Variants in TENT2 observed in about 807,000 individuals in gnomAD.
The protein encoded by TENT2 is poly(A) RNA polymerase GLD2.
TENT2 carries 44 observed loss-of-function variants against 72.2 expected under a neutral mutation model. The ratio of observed to expected loss-of-function variants is 0.61; its 90% CI spans 0.48 to 0.78. The LOEUF (loss-of-function observed/expected upper bound fraction) is 0.78, where lower values mean the gene tolerates loss of function less well. Among genes scored for constraint, TENT2 ranks in the 30% least tolerant of loss-of-function variants. The pLI is 0.00. For synonymous variants in TENT2, 212 were observed against 192.5 expected, an observed-to-expected ratio of 1.10 and a Z score of -0.84; for missense variants, 541 against 569.6, an observed-to-expected ratio of 0.95 and a Z score of 0.51.
At position 79,619,749 on chromosome 5, in the gene TENT2, A is replaced by G. The variant is rs1763234553; in HGVS notation, c.101A>G (p.Gln34Arg). 1.2e-6 allele frequency: 2 copies of G among 1,613,826 alleles called. No homozygotes were observed. The highest frequency in any genetic ancestry group is 1.7e-6 in the Non-Finnish European group (2 of 1,179,814). ...TCACCTACTGTTTATTCACACCAGC[A>G]GCTTATAGATGCACAATTCAACTTT... ...TLSPTVYSHQ[Q>R]LIDAQFNFQN... The change falls in exon 2 of 15, where the codon CAG becomes CGG. Residue 34 changes from glutamine (Q) to arginine (R), a missense_variant. By Grantham distance (43) the Gln-to-Arg change is conservative (BLOSUM62 1). Transcript: ENST00000453514.
At chr5:79,623,993 AAAT>A (rs1230301017) in intron 4 of TENT2, among the ~76,000 whole-genome samples, 1 of 152,198 alleles carries the variant, frequency 6.6e-6, no homozygotes, top group Admixed American at 6.5e-5. Context: ...GAAGCTATTT[AAAT>A]AATAATTCTT....
At chr5:79,621,137 T>C (rs1179294070) in intron 3 of TENT2, among the ~76,000 whole-genome samples, 2 of 152,160 alleles carry the variant, frequency 1.3e-5, no homozygotes, top group African/African-American at 4.8e-5. Context: ...CTAGGAGTTA[T>C]TGCTTATTAT....
chr5:79,669,129 A>G, intron 12 of TENT2, 101 bp downstream of exon 12: 1 of 1,375,256 alleles, frequency 7.3e-7, no homozygotes, highest in Non-Finnish European at 9.8e-7. Context: ...CTACAGATTT[A>G]GTCAGGAGCT....
chr5:79,676,033 C>T (rs1021826216), intron 12 of TENT2, among the ~76,000 whole-genome samples: 9 of 151,946 alleles, frequency 5.9e-5, no homozygotes, highest in Non-Finnish European at 8.8e-5. Flanking sequence ...TCCCTACCTA[C>T]GACATTTGAA....
chr5:79,619,807 C>T (rs1763275393), intron 2 of TENT2, 22 bp downstream of exon 2: 6 of 1,595,096 alleles, frequency 3.8e-6, no homozygotes, highest in Non-Finnish European at 5.1e-6. Context: ...GATATTTTGG[C>T]CCATGTTGTT....
Position 79,685,238 on chromosome 5 carries a change from A to G in TENT2, c.1420A>G (p.Ile474Val), listed in dbSNP as rs1426945326. The change falls in exon 15 of 15, where the codon ATA (isoleucine) becomes GTA (valine). Residue 474 changes from isoleucine (I) to valine (V), a missense_variant. Coordinates refer to ENST00000453514, the MANE Select transcript of TENT2 (RefSeq NM_001114394.3). ...RLKNKRDLNS[I>V]LPVRAAVLKR ...GAAAAACAAGAGAGATTTGAACAGTATACTACCTGTAAGAGCTGCTGTCCT... is the reference window on the plus strand; with the variant it reads ...GAAAAACAAGAGAGATTTGAACAGTGTACTACCTGTAAGAGCTGCTGTCCT... 2 of 1,605,592 alleles carry G rather than the reference A, an allele frequency of 1.2e-6. No homozygotes were observed. The highest frequency in any genetic ancestry group is 8.5e-7 in the Non-Finnish European group (1 of 1,177,892).
chr5:79,687,706 G>A lies in TENT2; in HGVS notation c.*2433G>A, dbSNP rs376148044. On this transcript the variant is annotated 3_prime_UTR_variant, in exon 15 of 15. Coordinates refer to ENST00000453514, the MANE Select transcript of TENT2 (RefSeq NM_001114394.3). ...GAATTCACAAATCCTACATGGTTACGGAGGGTTGACTGTATTTGCATATGT... is the reference window on the plus strand; with the variant it reads ...GAATTCACAAATCCTACATGGTTACAGAGGGTTGACTGTATTTGCATATGT... Among the ~76,000 whole-genome samples the A allele has an allele frequency of 1.8e-4, 27 of 152,120 alleles. No homozygotes were observed. Among genetic ancestry groups the A allele is most frequent in the East Asian group, 5.8e-4 (3 of 5,196 alleles).
rs377382902 is a variant in TENT2, at chr5:79,687,410, C to T, written c.*2137C>T. 8.5e-5 allele frequency among the ~76,000 whole-genome samples: 13 copies of T among 152,132 alleles called. No individual in the cohort carries two copies. The highest frequency in any genetic ancestry group is 7.7e-4 in the East Asian group (4 of 5,174). On this transcript the variant is annotated 3_prime_UTR_variant, in exon 15 of 15. Coordinates refer to ENST00000453514, the MANE Select transcript of TENT2 (RefSeq NM_001114394.3). The stretch of plus-strand genomic sequence containing the variant: ...TGAGGGATTGATTCCAGGTCAACCC[C>T]GTCCTCTTCAGATACCAAAATCCAC...
At chr5:79,617,755 C>A (rs775616019) in intron 1 of TENT2, among the ~76,000 whole-genome samples, 1 of 152,166 alleles carries the variant, frequency 6.6e-6, no homozygotes, top group Non-Finnish European at 1.5e-5. Flanking sequence ...GAGAGCATTT[C>A]CGTCAGAGAT....
intron 12 of TENT2, among the ~76,000 whole-genome samples, chr5:79,673,450 A>G (rs1814629516): frequency 6.6e-6 from 1 of 152,004 alleles, no homozygotes; most frequent in Non-Finnish European, 1.5e-5. Context: ...TCTTCAATCA[A>G]TTTTGGTTTG....
intron 10 of TENT2, among the ~76,000 whole-genome samples, chr5:79,651,299 A>G (rs1281950822): frequency 1.3e-5 from 2 of 151,958 alleles, no homozygotes; most frequent in African/African-American, 4.8e-5. Flanking sequence ...TTTTTCCTCT[A>G]CAAAAACATG....
Position 79,686,147 on chromosome 5 carries a change from T to C in TENT2, c.*874T>C, listed in dbSNP as rs148672531. The C allele has an allele frequency of 2.6e-5, 4 of 152,732 alleles. No homozygotes were observed. The highest frequency in any genetic ancestry group is 1.3e-4 in the Admixed American group (2 of 15,298). The allele number at this position is 152,732 out of a possible 1,614,324, so 9.5% of individuals were successfully genotyped here. On this transcript the variant is annotated 3_prime_UTR_variant, in exon 15 of 15. Coordinates refer to ENST00000453514, the MANE Select transcript of TENT2 (RefSeq NM_001114394.3). ...ATCAAAGTTAAGATTATATCCTGTT[T>C]GTAGTATCAGATATTTTTCTGTGTA...
chr5:79,642,173 G>A (rs1381708231), intron 6 of TENT2, among the ~76,000 whole-genome samples: 6 of 151,950 alleles, frequency 3.9e-5, no homozygotes, highest in African/African-American at 2.4e-5. Flanking sequence ...GAGTGTTAAT[G>A]TATATTTTTA....
intron 8 of TENT2, among the ~76,000 whole-genome samples, chr5:79,647,630 G>C (rs879443148): frequency 1.3e-5 from 2 of 152,100 alleles, no homozygotes; most frequent in Admixed American, 1.3e-4. Flanking sequence ...TGAAATGGTA[G>C]ATTTCAAATT....
At chr5:79,680,250 AT>A (rs1820649028) in intron 13 of TENT2, among the ~76,000 whole-genome samples, 1 of 152,332 alleles carries the variant, frequency 6.6e-6, no homozygotes, top group African/African-American at 2.4e-5. Flanking sequence ...GAGAATCAGC[AT>A]TTGTAGAAAA....
intron 11 of TENT2, 147 bp from the exon 12 acceptor site, chr5:79,668,745 T>G: frequency 1.2e-6 from 1 of 836,486 alleles, no homozygotes; most frequent in African/African-American, 1.7e-5. Flanking sequence ...AAGTCTTTAG[T>G]GGAAGAAAAA....
intron 10 of TENT2, among the ~76,000 whole-genome samples, chr5:79,649,913 T>C (rs7736467): frequency 0.32 from 48,370 of 152,058 alleles, 9,474 homozygotes; most frequent in African/African-American, 0.53. Flanking sequence ...AACATTAAGC[T>C]GCTTTATACT....
In TENT2 at chr5:79,648,656, A is replaced by G; in HGVS notation, c.861A>G (p.Gly287=). The part of the protein sequence containing the change: ...EFDLNVNNIV[G]IRNTFLLRTY... ...ACTTGAATGTAAACAATATTGTTGGAATAAGAAACACATTCCTTCTCAGAA... is the reference window on the plus strand; with the variant it reads ...ACTTGAATGTAAACAATATTGTTGGGATAAGAAACACATTCCTTCTCAGAA... Residue 287 remains glycine, a synonymous_variant, in exon 9 of 15, where the codon GGA becomes GGG. Transcript: ENST00000453514. 6.3e-7 allele frequency: 1 copy of G among 1,596,634 alleles called. No homozygotes were observed. The highest frequency in any genetic ancestry group is 8.5e-7 in the Non-Finnish European group (1 of 1,170,894).
intron 12 of TENT2, among the ~76,000 whole-genome samples, chr5:79,675,702 A>G (rs1816736764): frequency 6.6e-6 from 1 of 152,170 alleles, no homozygotes. Flanking sequence ...AGAGTATGTG[A>G]AAGGGAGTGA....
Sources: gnomAD v4.1 joint callset for allele counts (sites outside exome capture counted in the v4.1 genomes callset) on GRCh38, gnomAD v4.1.1 for gene constraint, MANE v1.5 for transcripts, NCBI Gene and HGNC (gene_info 2026-07-23, HGNC 2026-07-21) for gene names.